ASAP1: variants seen among roughly 807,000 people sequenced by gnomAD.
ASAP1 encodes the protein arf-GAP with SH3 domain, ANK repeat and PH domain-containing protein 1.
In ASAP1, 43 loss-of-function variants were observed where a neutral mutation model predicts 145.2. The observed-to-expected ratio is 0.30, with a 90% confidence interval of 0.23 to 0.38. The LOEUF (loss-of-function observed/expected upper bound fraction) is 0.38. Ranked by LOEUF, ASAP1 falls within the 10% of genes least tolerant of loss-of-function variation. The pLI is 1.00. For missense variants in ASAP1, 1,018 were observed against 1,355.3 expected (o/e 0.75, Z 3.91); for synonymous variants, 546 against 515.5 (o/e 1.06, Z -0.80).
At chr8:130,162,893 C>A (rs978547929) in intron 11 of ASAP1, 1 of 152,150 alleles carries the variant, frequency 6.6e-6, no homozygotes, top group East Asian at 1.9e-4. Flanking sequence ...TTCCTTGGAA[C>A]CCTTGTTACG....
At chr8:130,317,563 C>A (rs186169562) in intron 3 of ASAP1, among the ~76,000 whole-genome samples, 1 of 152,358 alleles carries the variant, frequency 6.6e-6, no homozygotes, top group East Asian at 1.9e-4. Flanking sequence ...ATAGCCTCCT[C>A]TCCCAAATGG....
intron 29 of ASAP1, 44 bp from the exon 30 acceptor site, chr8:130,054,849 G>A: frequency 6.5e-7 from 1 of 1,529,348 alleles, no homozygotes; most frequent in Non-Finnish European, 9.1e-7. Context: ...GCAGCAGGCA[G>A]TGGCCCCACG....
chr8:130,136,922 A>T, intron 14 of ASAP1, 29 bp downstream of exon 14: 1 of 1,595,622 alleles, frequency 6.3e-7, no homozygotes, highest in Non-Finnish European at 8.6e-7. Flanking sequence ...AGCCACAATA[A>T]CCAACTCAGA....
chr8:130,342,731 T>TA (rs35338707), intron 3 of ASAP1, among the ~76,000 whole-genome samples: 1 of 135,572 alleles, frequency 7.4e-6, no homozygotes, highest in Non-Finnish European at 1.6e-5. Context: ...ACTTGACTTT[T>TA]AAAAAAGATG....
At position 130,232,395 on chromosome 8, in the gene ASAP1, T is replaced by C. The variant is rs1359382676; in HGVS notation, c.259+4527A>G. On this transcript the variant is annotated intron_variant, in intron 4 of 29. Coordinates refer to ENST00000518721, the MANE Select transcript of ASAP1 (RefSeq NM_018482.4). ...AGGGAGAGGGACCACTAAGGCAGAC[T>C]TCCTTAACGACAATGTGTTTCACAG... 2.0e-5 allele frequency among the ~76,000 whole-genome samples: 3 copies of C among 152,216 alleles called. No homozygotes were observed. The East Asian group carries it at 5.8e-4, about 29-fold the overall frequency.
At chr8:130,402,644 A>T (rs10956523) in intron 1 of ASAP1, among the ~76,000 whole-genome samples, 4 of 151,930 alleles carry the variant, frequency 2.6e-5, no homozygotes, top group Non-Finnish European at 4.4e-5. Context: ...TCCTAGCTCA[A>T]TGTGGCATCT....
chr8:130,061,872 C>G (rs750240165), intron 27 of ASAP1, among the ~76,000 whole-genome samples: 1 of 152,182 alleles, frequency 6.6e-6, no homozygotes, highest in African/African-American at 2.4e-5. Flanking sequence ...TTCCATAGCT[C>G]TTTGTACAGC....
intron 2 of ASAP1, among the ~76,000 whole-genome samples, chr8:130,373,629 A>G (rs1827333384): frequency 6.6e-6 from 1 of 152,042 alleles, no homozygotes; most frequent in Non-Finnish European, 1.5e-5. Flanking sequence ...AGGGTGGATC[A>G]CCTGAGTTTG....
At position 130,104,499 on chromosome 8, in the gene ASAP1, A is replaced by G. The variant is rs145564952; in HGVS notation, c.2401+7595T>C. Among the ~76,000 whole-genome samples the G allele has an allele frequency of 6.4e-3, 969 of 152,352 alleles. 9 individuals carry two copies. Among genetic ancestry groups the G allele is most frequent in the African/African-American group, 0.022 (928 of 41,580 alleles). ...TTAAAAAGTTCTAAGTTACTAGCCAATCAGGACAAATACAAAACAGCCAAT... is the reference window on the plus strand; with the variant it reads ...TTAAAAAGTTCTAAGTTACTAGCCAGTCAGGACAAATACAAAACAGCCAAT... On this transcript the variant is annotated intron_variant, in intron 24 of 29. Transcript: ENST00000518721.
intron 5 of ASAP1, chr8:130,208,866 A>G (rs1816397828): frequency 6.6e-6 from 1 of 152,206 alleles, no homozygotes; most frequent in African/African-American, 2.4e-5. Flanking sequence ...CCAGTACTAC[A>G]TGAAATCTAG....
At chr8:130,426,593 C>A (rs1829927833) in intron 1 of ASAP1, among the ~76,000 whole-genome samples, 1 of 152,208 alleles carries the variant, frequency 6.6e-6, no homozygotes, top group Non-Finnish European at 1.5e-5. Context: ...TCCACTCCAG[C>A]CACACTGGCT....
chr8:130,178,824 G>A (rs1158173392), intron 9 of ASAP1, among the ~76,000 whole-genome samples: 1 of 151,936 alleles, frequency 6.6e-6, no homozygotes, highest in Non-Finnish European at 1.5e-5. Flanking sequence ...AGGAGGCGGA[G>A]ATTAGAGTGA....
At chr8:130,249,876 T>C (rs1211277078) in intron 3 of ASAP1, among the ~76,000 whole-genome samples, 1 of 152,138 alleles carries the variant, frequency 6.6e-6, no homozygotes, top group Non-Finnish European at 1.5e-5. Context: ...GGTTCTCAGC[T>C]TCCTGACCTG....
intron 2 of ASAP1, among the ~76,000 whole-genome samples, chr8:130,390,356 AG>A (rs1345560508): frequency 6.6e-6 from 1 of 152,252 alleles, no homozygotes; most frequent in East Asian, 1.9e-4. Flanking sequence ...AAAGTCTACA[AG>A]TCCCTTCCAG....
chr8:130,340,073 A>C lies in ASAP1; in HGVS notation c.186+17944T>G, dbSNP rs74415308. Among the ~76,000 whole-genome samples the C allele has an allele frequency of 7.9e-3, 1,197 of 152,316 alleles. 8 individuals are homozygous for C. The highest frequency in any genetic ancestry group is 0.02 in the Middle Eastern group (6 of 294). ...GCTTTGGAGATAAACAGATGAATAA[A>C]TAAGTCCTGTCCTCAAAACAATAAT... On this transcript the variant is annotated intron_variant, in intron 3 of 29. Transcript: ENST00000518721.
chr8:130,359,778 C>T (rs968354578), intron 2 of ASAP1, among the ~76,000 whole-genome samples: 1 of 152,180 alleles, frequency 6.6e-6, no homozygotes, highest in Non-Finnish European at 1.5e-5. Flanking sequence ...CGCCCGCCAC[C>T]GCGCCCGGCT....
intron 13 of ASAP1, among the ~76,000 whole-genome samples, chr8:130,139,692 G>T (rs1235227786): frequency 1.3e-5 from 2 of 151,554 alleles, no homozygotes; most frequent in African/African-American, 4.9e-5. Context: ...TCACGCCATT[G>T]CACTCCAGCC....
At chr8:130,369,675 A>G (rs548852505) in intron 2 of ASAP1, among the ~76,000 whole-genome samples, 3 of 152,222 alleles carry the variant, frequency 2.0e-5, no homozygotes, top group African/African-American at 7.2e-5. Flanking sequence ...ATGAAATGCC[A>G]CTTTGCACCC....
At chr8:130,304,461 G>C (rs181287199) in intron 3 of ASAP1, among the ~76,000 whole-genome samples, 2 of 152,234 alleles carry the variant, frequency 1.3e-5, no homozygotes, top group East Asian at 3.9e-4. Flanking sequence ...GATAAAAACA[G>C]TTTTAACCTA....
Sources: allele counts gnomAD v4.1 joint callset (sites outside exome capture counted in the v4.1 genomes callset), GRCh38; gene constraint gnomAD v4.1.1; transcripts MANE v1.5; gene names NCBI Gene and HGNC (gene_info 2026-07-23, HGNC 2026-07-21).